UGGT2: variants seen among roughly 807,000 people sequenced by gnomAD.
The protein encoded by UGGT2 is UDP-glucose:glycoprotein glucosyltransferase 2.
A neutral mutation model predicts 192.1 loss-of-function variants in UGGT2; 180 were observed. The observed-to-expected ratio is 0.94, with a 90% CI of 0.83 to 1.06. The LOEUF is 1.06. Among genes scored for constraint, UGGT2 ranks in the 50% least tolerant of loss-of-function variants. The pLI is 0.00. For synonymous variants in UGGT2, 580 were observed against 591.0 expected, an observed-to-expected ratio of 0.98 and a Z score of 0.27; for missense variants, 1,849 against 1,795.7, an observed-to-expected ratio of 1.03 and a Z score of -0.54.
chr13:95,996,010 C>T (rs1240165254), intron 7 of UGGT2, 53 bp downstream of exon 7: 5 of 1,493,414 alleles, frequency 3.3e-6, no homozygotes, highest in Non-Finnish European at 4.6e-6. Context: ...CAAATTAATT[C>T]CTTAAAAACC....
At chr13:95,820,204 T>A (rs1335524469) in intron 38 of UGGT2, among the ~76,000 whole-genome samples, 1 of 152,058 alleles carries the variant, frequency 6.6e-6, no homozygotes, top group African/African-American at 2.4e-5. Flanking sequence ...TTAAAGGGGA[T>A]ACTTTTTATG....
chr13:95,845,474 C>T (rs970557396), intron 36 of UGGT2, among the ~76,000 whole-genome samples: 4 of 149,788 alleles, frequency 2.7e-5, no homozygotes, highest in Non-Finnish European at 4.4e-5. Context: ...TTTCAGAGAG[C>T]ACGGGGTTGG....
intron 29 of UGGT2, among the ~76,000 whole-genome samples, chr13:95,871,906 T>G (rs1401792214): frequency 2.0e-5 from 3 of 152,182 alleles, no homozygotes; most frequent in Non-Finnish European, 4.4e-5. Flanking sequence ...AAAGTTACGG[T>G]GGACCAACTC....
At chr13:95,844,816 C>T (rs3099362) in intron 36 of UGGT2, among the ~76,000 whole-genome samples, 127,635 of 152,096 alleles carry the variant, frequency 0.84, 53,870 homozygotes, top group East Asian at 0.93. Flanking sequence ...GGTATCTGTC[C>T]AGTACAATAC....
intron 9 of UGGT2, among the ~76,000 whole-genome samples, chr13:95,984,128 A>T (rs1398357180): frequency 6.6e-6 from 1 of 152,144 alleles, no homozygotes; most frequent in Non-Finnish European, 1.5e-5. Flanking sequence ...TTATTTTTTG[A>T]AAACACTTCA....
rs563839769 is a variant in UGGT2, at chr13:95,854,406, A to G, written c.4078T>C (p.Phe1360Leu). 16 of 1,613,890 alleles carry G rather than the reference A, an allele frequency of 9.9e-6. No homozygotes were observed. The highest frequency in any genetic ancestry group is 4.5e-5 in the East Asian group (2 of 44,846). ...LDGAPYGYTP[F>L]CDSRREMDGY... ...TCCATTTCCCTGCGGCTATCACAAA[A>G]TGGAGTATACCCATAAGGAGCTCCA... is the stretch of plus-strand genomic sequence containing the variant. Residue 1360 changes from phenylalanine to leucine, a missense_variant, in exon 35 of 39, where the codon TTT becomes CTT. By Grantham distance (22) the Phe-to-Leu change is conservative. Coordinates refer to ENST00000376747, the MANE Select transcript of UGGT2 (RefSeq NM_020121.4).
intron 1 of UGGT2, among the ~76,000 whole-genome samples, chr13:96,034,999 C>T (rs150960240): frequency 0.014 from 2,193 of 152,302 alleles, 23 homozygotes; most frequent in Non-Finnish European, 0.021. Context: ...TAGAGGTTTC[C>T]GGCTGGCAAA....
At chr13:95,925,064 A>C (rs2048976565) in intron 20 of UGGT2, among the ~76,000 whole-genome samples, 2 of 152,230 alleles carry the variant, frequency 1.3e-5, no homozygotes, top group South Asian at 4.1e-4. Context: ...CTAATATAAA[A>C]ACAATTTCAT....
chr13:95,839,654 A>G (rs924199702), intron 36 of UGGT2, among the ~76,000 whole-genome samples: 3 of 152,168 alleles, frequency 2.0e-5, no homozygotes, highest in Admixed American at 2.0e-4. Flanking sequence ...GTATATATCT[A>G]GGAGTGGAAC....
chr13:95,877,556 AT>A (rs1333833006), intron 28 of UGGT2, 141 bp downstream of exon 28: 1 of 1,094,024 alleles, frequency 9.1e-7, no homozygotes, highest in Non-Finnish European at 1.3e-6. Flanking sequence ...CCCATTTTTT[AT>A]TTATCTTATT....
chr13:96,021,422 T>C (rs1049943899), intron 4 of UGGT2, among the ~76,000 whole-genome samples: 12 of 152,230 alleles, frequency 7.9e-5, no homozygotes, highest in African/African-American at 2.9e-4. Flanking sequence ...AGTTATATTA[T>C]AGTGAGTCTA....
At position 96,030,974 on chromosome 13, in the gene UGGT2, C is replaced by T. The variant is rs185982214; in HGVS notation, c.241+915G>A. Among the ~76,000 whole-genome samples, 15 of 152,258 alleles carry T rather than the reference C, an allele frequency of 9.9e-5. No individual in the cohort carries two copies. The East Asian group carries it at 2.7e-3, about 27-fold the overall frequency. On this transcript the variant is annotated intron_variant, in intron 2 of 38. Transcript: ENST00000376747. ...ATTCTGCCAATAAAAATGCAATATACGTGTCAGTATACATTAGTCCAAACC... is the reference window on the plus strand; with the variant it reads ...ATTCTGCCAATAAAAATGCAATATATGTGTCAGTATACATTAGTCCAAACC...
At chr13:95,852,551 G>T (rs896892903) in intron 36 of UGGT2, among the ~76,000 whole-genome samples, 2 of 152,090 alleles carry the variant, frequency 1.3e-5, no homozygotes, top group African/African-American at 4.8e-5. Context: ...ATGAGCTAAA[G>T]AAATCTTGTT....
At chr13:95,928,226 C>A (rs1292120341) in intron 17 of UGGT2, among the ~76,000 whole-genome samples, 4 of 152,112 alleles carry the variant, frequency 2.6e-5, no homozygotes, top group Admixed American at 6.5e-5. Flanking sequence ...CCCCCCACCT[C>A]CCGGACGGGG....
chr13:95,865,728 A>G (rs187471798), intron 30 of UGGT2, among the ~76,000 whole-genome samples: 1 of 152,294 alleles, frequency 6.6e-6, no homozygotes, highest in East Asian at 1.9e-4. Context: ...AATATTTCTA[A>G]TTGGTTTCTT....
At chr13:95,848,933 T>A (rs1302268920) in intron 36 of UGGT2, among the ~76,000 whole-genome samples, 1 of 152,182 alleles carries the variant, frequency 6.6e-6, no homozygotes, top group Non-Finnish European at 1.5e-5. Context: ...CTTCATGTAT[T>A]TCAGTGTTCT....
chr13:95,833,998 C>T (rs933912681), intron 37 of UGGT2, among the ~76,000 whole-genome samples: 1 of 152,210 alleles, frequency 6.6e-6, no homozygotes. Context: ...TAACCCTTTC[C>T]TCACCAAATA....
At chr13:95,828,535 G>A (rs61380463) in intron 38 of UGGT2, among the ~76,000 whole-genome samples, 2,217 of 152,050 alleles carry the variant, frequency 0.015, 58 homozygotes, top group African/African-American at 0.051. Flanking sequence ...GAGTATTATA[G>A]ACAACTCTAC....
Position 96,023,730 on chromosome 13 carries a change from G to C in UGGT2, c.271C>G (p.Leu91Val), listed in dbSNP as rs1467181998. 1 of 1,603,192 alleles carries C rather than the reference G, an allele frequency of 6.2e-7. No individual in the cohort carries two copies. The highest frequency in any genetic ancestry group is 1.3e-5 in the African/African-American group (1 of 74,544). The change falls in exon 3 of 39, where the codon CTG becomes GTG. Residue 91 changes from leucine to valine, a missense_variant. Transcript: ENST00000376747. ...TCTAGAAACTGTCCAGCTTTCTTCA[G>C]GATTAAGTTGTAATAAGAATAATCT... ...ESDYSYYNLI[L>V]KKAGQFLDNL...
Sources: gnomAD v4.1 joint callset for allele counts (sites outside exome capture counted in the v4.1 genomes callset) on GRCh38, gnomAD v4.1.1 for gene constraint, MANE v1.5 for transcripts, NCBI Gene and HGNC (gene_info 2026-07-23, HGNC 2026-07-21) for gene names.